The following BBX variants were observed in gnomAD, a reference collection of about 807,000 sequenced individuals.
BBX encodes HMG box transcription factor BBX.
BBX carries 30 observed loss-of-function variants against 100.2 expected under a neutral mutation model. The ratio of observed to expected loss-of-function variants is 0.30; its 90% CI spans 0.22 to 0.41. BBX has a LOEUF of 0.41. BBX is among the 10% of genes least tolerant of loss of function. The pLI is 1.00. For synonymous variants in BBX, 376 were observed against 388.1 expected (o/e 0.97, Z 0.37); for missense variants, 1,023 against 1,129.8 (o/e 0.91, Z 1.35).
intron 3 of BBX, among the ~76,000 whole-genome samples, chr3:107,691,910 T>C (rs1293458663): frequency 1.3e-5 from 2 of 152,142 alleles, no homozygotes; most frequent in Non-Finnish European, 2.9e-5. Context: ...GAAATACGTA[T>C]TCTTTTTTTG....
chr3:107,609,061 G>C (rs971334531), intron 2 of BBX, among the ~76,000 whole-genome samples: 2 of 152,074 alleles, frequency 1.3e-5, no homozygotes, highest in Non-Finnish European at 2.9e-5. Flanking sequence ...TAAGAAACTT[G>C]TCTGATTGCT....
intron 7 of BBX, among the ~76,000 whole-genome samples, chr3:107,739,320 C>T (rs34251571): frequency 0.095 from 14,526 of 152,220 alleles, 936 homozygotes; most frequent in Admixed American, 0.14. Context: ...AACTTTTATT[C>T]CCTTCTCATA....
At chr3:107,604,266 G>A (rs2054271822) in intron 2 of BBX, among the ~76,000 whole-genome samples, 1 of 152,116 alleles carries the variant, frequency 6.6e-6, no homozygotes, top group Non-Finnish European at 1.5e-5. Flanking sequence ...GGTACTGTTT[G>A]TATCTGCTTT....
chr3:107,699,105 G>C (rs1451849583), intron 3 of BBX, among the ~76,000 whole-genome samples: 5 of 151,814 alleles, frequency 3.3e-5, no homozygotes, highest in Non-Finnish European at 7.4e-5. Context: ...TGCAGCCCCT[G>C]TTCTCTGTCA....
At chr3:107,649,022 A>G (rs1039492741) in intron 3 of BBX, among the ~76,000 whole-genome samples, 20 of 152,214 alleles carry the variant, frequency 1.3e-4, no homozygotes, top group Non-Finnish European at 2.5e-4. Context: ...ACCGTTTCAC[A>G]TGGCTGGGAG....
intron 10 of BBX, among the ~76,000 whole-genome samples, chr3:107,760,684 G>T (rs1209770454): frequency 7.2e-6 from 1 of 138,408 alleles, no homozygotes; most frequent in Non-Finnish European, 1.6e-5. Flanking sequence ...ATATTAGCAG[G>T]CATGTTCTGG....
intron 2 of BBX, among the ~76,000 whole-genome samples, chr3:107,612,790 C>T (rs914095025): frequency 6.6e-6 from 1 of 152,162 alleles, no homozygotes; most frequent in Non-Finnish European, 1.5e-5. Flanking sequence ...CCACAGTCAG[C>T]AGATAGTCAA....
chr3:107,664,623 T>A (rs1049355411), intron 3 of BBX, among the ~76,000 whole-genome samples: 3 of 152,204 alleles, frequency 2.0e-5, no homozygotes, highest in Non-Finnish European at 4.4e-5. Flanking sequence ...AATCTAGACA[T>A]CCTGAAATAG....
At chr3:107,723,344 T>A (rs1165980234) in intron 5 of BBX, among the ~76,000 whole-genome samples, 1 of 152,072 alleles carries the variant, frequency 6.6e-6, no homozygotes, top group East Asian at 1.9e-4. Flanking sequence ...CTTTTGTTCA[T>A]CAAATTTGCA....
At chr3:107,725,083 C>T (rs971922274) in intron 5 of BBX, among the ~76,000 whole-genome samples, 14 of 152,050 alleles carry the variant, frequency 9.2e-5, no homozygotes, top group African/African-American at 3.1e-4. Context: ...TTTTATTTCA[C>T]TGAGCAGTGA....
chr3:107,788,452 A>G lies in BBX; in HGVS notation c.2204-1335A>G, dbSNP rs370797962. Among the ~76,000 whole-genome samples, 12 of 152,226 alleles carry G rather than the reference A, an allele frequency of 7.9e-5. No homozygotes were observed. The South Asian group carries it at 2.1e-3, about 26-fold the overall frequency. On this transcript the variant is annotated intron_variant, in intron 13 of 17. Coordinates refer to ENST00000325805, the MANE Select transcript of BBX (RefSeq NM_001142568.3). ...ATGACCCCTTGAAGAGCAGTTTTCCATGAGTGGCAGGGCAGAAACCTAGTT... is the reference window on the plus strand; with the variant it reads ...ATGACCCCTTGAAGAGCAGTTTTCCGTGAGTGGCAGGGCAGAAACCTAGTT...
chr3:107,740,468 C>T (rs1192291671), intron 7 of BBX, among the ~76,000 whole-genome samples: 2 of 152,062 alleles, frequency 1.3e-5, no homozygotes. Flanking sequence ...CCTTAATCTT[C>T]TAATTAGCCT....
chr3:107,677,408 AT>A (rs1403477139), intron 3 of BBX: 1 of 152,046 alleles, frequency 6.6e-6, no homozygotes, highest in Non-Finnish European at 1.5e-5. Flanking sequence ...TTAGTGTTGA[AT>A]TTATTTTTCA....
In BBX at chr3:107,529,452, C is replaced by T. The variant is rs530598896; in HGVS notation, c.-84+3054C>T. ...TGTAATCTTACTGCTTTGTTTTTAT[C>T]GTGTGTCCCAGGGAAATCAGATGCA... On this transcript the variant is annotated intron_variant, in intron 2 of 17. Transcript: ENST00000325805. Among the ~76,000 whole-genome samples the T allele has an allele frequency of 1.2e-4, 18 of 152,276 alleles. No individual in the cohort carries two copies. In the South Asian group the frequency reaches 2.3e-3, roughly 19 times the overall value.
intron 2 of BBX, among the ~76,000 whole-genome samples, chr3:107,575,043 G>A (rs2051666126): frequency 1.3e-5 from 2 of 152,218 alleles, no homozygotes; most frequent in Admixed American, 1.3e-4. Context: ...TGGCAATTAT[G>A]CAACAGCTGT....
intron 2 of BBX, among the ~76,000 whole-genome samples, chr3:107,574,889 G>C (rs2051656259): frequency 6.6e-6 from 1 of 152,172 alleles, no homozygotes; most frequent in African/African-American, 2.4e-5. Context: ...TGGTACAACT[G>C]TTGTTACTGT....
chr3:107,608,758 T>C (rs1263044734), intron 2 of BBX, among the ~76,000 whole-genome samples: 1 of 152,202 alleles, frequency 6.6e-6, no homozygotes, highest in African/African-American at 2.4e-5. Context: ...TTAAATAGTT[T>C]TCATTGTAGA....
At chr3:107,557,759 G>A (rs1468929850) in intron 2 of BBX, among the ~76,000 whole-genome samples, 2 of 152,182 alleles carry the variant, frequency 1.3e-5, no homozygotes, top group African/African-American at 4.8e-5. Context: ...CCAAGTTTTA[G>A]TTATTGTATG....
intron 2 of BBX, among the ~76,000 whole-genome samples, chr3:107,553,425 G>A (rs2049849240): frequency 6.6e-6 from 1 of 152,140 alleles, no homozygotes; most frequent in East Asian, 1.9e-4. Flanking sequence ...GGCTAAGTCA[G>A]TTACCATATT....
Sources: allele counts gnomAD v4.1 joint callset (sites outside exome capture counted in the v4.1 genomes callset), GRCh38; gene constraint gnomAD v4.1.1; transcripts MANE v1.5; gene names NCBI Gene and HGNC (gene_info 2026-07-23, HGNC 2026-07-21).